RNF121: variants seen among roughly 807,000 people sequenced by gnomAD.
RNF121 encodes ring finger protein 121.
Under a neutral mutation model 46.5 loss-of-function variants are expected in RNF121, and 21 were observed. The ratio of observed to expected loss-of-function variants is 0.45; its 90% CI spans 0.32 to 0.65. The LOEUF is 0.65. Ranked by LOEUF, RNF121 falls within the 30% of genes least tolerant of loss-of-function variation. RNF121 has a pLI of 0.04. For missense variants in RNF121, 346 were observed against 416.0 expected (o/e 0.83, Z 1.46); for synonymous variants, 139 against 144.7 (o/e 0.96, Z 0.28).
At chr11:71,988,640 TAAAA>T (rs35970528) in intron 5 of RNF121, among the ~76,000 whole-genome samples, 2 of 137,706 alleles carry the variant, frequency 1.5e-5, no homozygotes, top group Non-Finnish European at 3.1e-5. Flanking sequence ...TCTCAACTCT[TAAAA>T]AAAAAAAAAA....
At chr11:71,966,701 C>T (rs1420925392) in intron 3 of RNF121, among the ~76,000 whole-genome samples, 1 of 151,896 alleles carries the variant, frequency 6.6e-6, no homozygotes, top group African/African-American at 2.4e-5. Context: ...ATTGCCCAGG[C>T]TGGTCTTGAA....
At chr11:71,969,734 A>T (rs1448409575) in intron 3 of RNF121, among the ~76,000 whole-genome samples, 6 of 152,014 alleles carry the variant, frequency 3.9e-5, no homozygotes, top group Admixed American at 3.9e-4. Flanking sequence ...TGGCTAATTT[A>T]AAAATTTTTT....
intron 3 of RNF121, among the ~76,000 whole-genome samples, chr11:71,981,659 C>T (rs1590808048): frequency 6.6e-6 from 1 of 152,266 alleles, no homozygotes; most frequent in South Asian, 2.1e-4. Context: ...AAAACTTCAG[C>T]TAACAAGTCT....
intron 1 of RNF121, among the ~76,000 whole-genome samples, chr11:71,955,261 G>A (rs1471842545): frequency 6.6e-6 from 1 of 152,166 alleles, no homozygotes; most frequent in Non-Finnish European, 1.5e-5. Flanking sequence ...TAGAAAGGAT[G>A]TCTAAGATAA....
rs543323730 is a variant in RNF121 at position 71,991,912 on chromosome 11, C to T, written c.627+1195C>T. Among the ~76,000 whole-genome samples, 5 of 151,220 alleles carry T rather than the reference C, an allele frequency of 3.3e-5. No individual in the cohort carries two copies. In the East Asian group the frequency reaches 9.7e-4, roughly 29 times the overall value. Reference sequence around the variant, plus strand: ...TTGAGCCCAGGAGTTCAAGACCAGCCTGAGCACCATAGTGAGACCCCATCT... The same window carrying T: ...TTGAGCCCAGGAGTTCAAGACCAGCTTGAGCACCATAGTGAGACCCCATCT... On this transcript the variant is annotated intron_variant, in intron 6 of 8. Transcript: ENST00000361756.
At chr11:71,973,132 G>A (rs1954455551) in intron 3 of RNF121, among the ~76,000 whole-genome samples, 1 of 151,866 alleles carries the variant, frequency 6.6e-6, no homozygotes, top group African/African-American at 2.4e-5. Context: ...GTTGTGGTGA[G>A]CCGAGACTGT....
intron 3 of RNF121, among the ~76,000 whole-genome samples, chr11:71,966,683 C>T (rs1954284981): frequency 6.6e-6 from 1 of 151,600 alleles, no homozygotes; most frequent in African/African-American, 2.4e-5. Context: ...AGAGTTGGCT[C>T]TCACTATATT....
intron 3 of RNF121, among the ~76,000 whole-genome samples, chr11:71,963,536 C>T (rs911970134): frequency 6.6e-6 from 1 of 152,116 alleles, no homozygotes; most frequent in African/African-American, 2.4e-5. Flanking sequence ...AGGAGAATCG[C>T]TTGAATCAGG....
chr11:71,984,354 C>T (rs1013390317), intron 4 of RNF121, among the ~76,000 whole-genome samples: 2 of 151,338 alleles, frequency 1.3e-5, no homozygotes, highest in African/African-American at 2.4e-5. Flanking sequence ...TCGGCTCACT[C>T]GTGCAAGCTC....
intron 1 of RNF121, among the ~76,000 whole-genome samples, chr11:71,940,902 G>A (rs1434361757): frequency 1.3e-5 from 2 of 152,256 alleles, no homozygotes; most frequent in Admixed American, 6.5e-5. Context: ...GTCAAAATCA[G>A]TGAGGTAAGG....
intron 3 of RNF121, among the ~76,000 whole-genome samples, chr11:71,975,044 C>G (rs1196408418): frequency 6.6e-6 from 1 of 152,212 alleles, no homozygotes; most frequent in Non-Finnish European, 1.5e-5. Context: ...CTTTCATCAT[C>G]TGTGTCTACT....
chr11:71,967,339 G>GTTT (rs1251537488), intron 3 of RNF121, among the ~76,000 whole-genome samples: 12 of 68,400 alleles, frequency 1.8e-4, no homozygotes, highest in South Asian at 5.6e-4. Flanking sequence ...TAATTATGTG[G>GTTT]GTTTTTTTTG....
At chr11:71,929,194 G>A (rs1440003104) in intron 1 of RNF121, 70 bp downstream of exon 1, 4 of 1,514,742 alleles carry the variant, frequency 2.6e-6, no homozygotes, top group Non-Finnish European at 3.6e-6. Flanking sequence ...GGTATCGGGA[G>A]GTGGGGGTCT....
intron 3 of RNF121, among the ~76,000 whole-genome samples, chr11:71,981,282 C>G (rs1350383118): frequency 6.6e-6 from 1 of 151,972 alleles, no homozygotes; most frequent in Non-Finnish European, 1.5e-5. Context: ...AATCTCCTGA[C>G]CTTGTGATCC....
chr11:71,969,982 A>G (rs977688796), intron 3 of RNF121, among the ~76,000 whole-genome samples: 1 of 152,244 alleles, frequency 6.6e-6, no homozygotes, highest in African/African-American at 2.4e-5. Flanking sequence ...GATATAAGTA[A>G]TTTTAGATGT....
chr11:71,997,407 G>T lies in RNF121; in HGVS notation c.*1092G>T, dbSNP rs1209154783. On this transcript the variant is annotated 3_prime_UTR_variant, in exon 9 of 9. Transcript: ENST00000361756. ...GGGTGAGAACAGGTTCTGAGAGGGG[G>T]CTTCTAGGAAGGCCCCAGCCCTAGT... 1 of 152,064 alleles carries T rather than the reference G, an allele frequency of 6.6e-6. No individual in the cohort carries two copies. The highest frequency in any genetic ancestry group is 2.4e-5 in the African/African-American group (1 of 41,398). The allele number at this position is 152,064 out of a possible 1,614,324, so 9.4% of individuals were successfully genotyped here. A position where few individuals can be genotyped will look rare whatever the true frequency, so the allele number is the denominator to read the frequency against.
intron 1 of RNF121, among the ~76,000 whole-genome samples, chr11:71,942,325 A>G (rs1480467344): frequency 6.6e-6 from 1 of 151,988 alleles, no homozygotes; most frequent in Non-Finnish European, 1.5e-5. Flanking sequence ...AGAAGAATGG[A>G]TTGTAGGAGG....
At chr11:71,931,360 G>C (rs1005854283) in intron 1 of RNF121, among the ~76,000 whole-genome samples, 1 of 152,140 alleles carries the variant, frequency 6.6e-6, no homozygotes, top group Non-Finnish European at 1.5e-5. Flanking sequence ...GTGTGGACTG[G>C]TTCTATCTTT....
intron 2 of RNF121, among the ~76,000 whole-genome samples, chr11:71,959,034 G>A (rs1192859042): frequency 6.6e-6 from 1 of 152,184 alleles, no homozygotes; most frequent in Non-Finnish European, 1.5e-5. Flanking sequence ...CAACTCTTGA[G>A]TCAGGCAGAA....
Sources: allele counts gnomAD v4.1 joint callset (sites outside exome capture counted in the v4.1 genomes callset), GRCh38; gene constraint gnomAD v4.1.1; transcripts MANE v1.5; gene names NCBI Gene and HGNC (gene_info 2026-07-23, HGNC 2026-07-21).